Variants in KCNIP4 observed in about 807,000 individuals in gnomAD.
KCNIP4 encodes Kv channel-interacting protein 4.
A neutral mutation model predicts 34.0 loss-of-function variants in KCNIP4; 12 were observed. The observed-to-expected ratio is 0.35, with a 90% confidence interval of 0.23 to 0.57. KCNIP4 has a LOEUF of 0.57. Ranked by LOEUF, KCNIP4 falls within the 20% of genes least tolerant of loss-of-function variation. The pLI, the probability that KCNIP4 is intolerant of heterozygous loss-of-function variation, is 0.83. For synonymous variants in KCNIP4, 124 were observed against 102.2 expected (o/e 1.21, Z -1.29); for missense variants, 238 against 311.7 (o/e 0.76, Z 1.78).
chr4:21,581,006 T>A (rs1339892000), intron 1 of KCNIP4, among the ~76,000 whole-genome samples: 1 of 152,106 alleles, frequency 6.6e-6, no homozygotes, highest in South Asian at 2.1e-4. Flanking sequence ...ACTTATAAAC[T>A]GTAGTGCATG....
chr4:21,685,367 A>G (rs368050384), intron 1 of KCNIP4, among the ~76,000 whole-genome samples: 10 of 152,136 alleles, frequency 6.6e-5, no homozygotes, highest in African/African-American at 1.9e-4. Context: ...TATTTTTCCA[A>G]TGAGGAAACT....
intron 1 of KCNIP4, among the ~76,000 whole-genome samples, chr4:21,165,984 C>T (rs1240944997): frequency 6.6e-6 from 1 of 152,150 alleles, no homozygotes; most frequent in Non-Finnish European, 1.5e-5. Context: ...TCCTCTGGAG[C>T]ATGCAGGAAC....
At chr4:20,895,947 G>A (rs151192578) in intron 1 of KCNIP4, among the ~76,000 whole-genome samples, 106 of 152,314 alleles carry the variant, frequency 7.0e-4, no homozygotes, top group African/African-American at 2.4e-3. Context: ...GATATTGCAA[G>A]CTGATTCCTG....
At chr4:21,870,585 T>C (rs1271211459) in intron 1 of KCNIP4, among the ~76,000 whole-genome samples, 1 of 152,206 alleles carries the variant, frequency 6.6e-6, no homozygotes, top group African/African-American at 2.4e-5. Context: ...TATGAACAGC[T>C]CCCATAAAAA....
intron 4 of KCNIP4, among the ~76,000 whole-genome samples, chr4:20,757,533 A>G (rs1055789268): frequency 1.3e-5 from 2 of 151,794 alleles, no homozygotes; most frequent in African/African-American, 4.8e-5. Context: ...TACACTCTCT[A>G]CCCTAGCCAC....
intron 1 of KCNIP4, among the ~76,000 whole-genome samples, chr4:21,836,255 C>T (rs929838137): frequency 2.6e-5 from 4 of 152,120 alleles, no homozygotes; most frequent in African/African-American, 9.7e-5. Context: ...ACAAGAAGGA[C>T]TCAGCTGCAC....
chr4:21,483,022 G>T (rs1403508957), intron 1 of KCNIP4, among the ~76,000 whole-genome samples: 1 of 139,132 alleles, frequency 7.2e-6, no homozygotes, highest in Non-Finnish European at 1.5e-5. Context: ...GGTGGGAATT[G>T]AACAATGAGA....
intron 1 of KCNIP4, among the ~76,000 whole-genome samples, chr4:20,963,250 C>A (rs1003136025): frequency 2.0e-5 from 3 of 151,894 alleles, no homozygotes; most frequent in Non-Finnish European, 2.9e-5. Flanking sequence ...TTCCTTGAAC[C>A]CGGGAATCAG....
chr4:21,274,412 G>T (rs1376207951), intron 1 of KCNIP4, among the ~76,000 whole-genome samples: 3 of 152,130 alleles, frequency 2.0e-5, no homozygotes, highest in Non-Finnish European at 4.4e-5. Context: ...TTCTCCCTTT[G>T]GGATATGACA....
At chr4:21,938,674 G>A (rs1730026159) in intron 1 of KCNIP4, among the ~76,000 whole-genome samples, 1 of 152,108 alleles carries the variant, frequency 6.6e-6, no homozygotes. Flanking sequence ...CAGAAGACAA[G>A]GACTGCACCT....
chr4:21,152,471 A>G (rs918029899), intron 1 of KCNIP4, among the ~76,000 whole-genome samples: 1 of 152,066 alleles, frequency 6.6e-6, no homozygotes, highest in Non-Finnish European at 1.5e-5. Flanking sequence ...TCTTGCTTCT[A>G]TCACTGCCCC....
chr4:21,668,631 C>T (rs989891187), intron 1 of KCNIP4, among the ~76,000 whole-genome samples: 3 of 151,992 alleles, frequency 2.0e-5, no homozygotes, highest in Admixed American at 2.0e-4. Context: ...TAACAATATG[C>T]AATATATACA....
intron 1 of KCNIP4, among the ~76,000 whole-genome samples, chr4:20,933,142 G>T (rs1396400477): frequency 6.6e-6 from 1 of 152,028 alleles, no homozygotes; most frequent in Non-Finnish European, 1.5e-5. Flanking sequence ...CTACTTCGAG[G>T]CTGAGACAGG....
intron 1 of KCNIP4, among the ~76,000 whole-genome samples, chr4:21,879,810 T>C (rs1307041272): frequency 1.3e-5 from 2 of 152,162 alleles, no homozygotes; most frequent in Non-Finnish European, 2.9e-5. Flanking sequence ...CCACATGTCA[T>C]GGAAGGGACC....
chr4:21,146,226 G>A (rs13118389), intron 1 of KCNIP4, among the ~76,000 whole-genome samples: 53,034 of 151,518 alleles, frequency 0.35, 9,419 homozygotes, highest in African/African-American at 0.39. Flanking sequence ...GTGAAACCCC[G>A]TCTCTACTAA....
At chr4:21,144,562 A>G (rs1232242139) in intron 1 of KCNIP4, among the ~76,000 whole-genome samples, 1 of 152,204 alleles carries the variant, frequency 6.6e-6, no homozygotes, top group East Asian at 1.9e-4. Context: ...ACTGTAGAGC[A>G]CACAGTGCTG....
At chr4:21,728,142 C>T (rs1485196866) in intron 1 of KCNIP4, among the ~76,000 whole-genome samples, 1 of 152,118 alleles carries the variant, frequency 6.6e-6, no homozygotes, top group African/African-American at 2.4e-5. Flanking sequence ...AAATTTAAAT[C>T]TCCAGCCTGA....
chr4:21,516,328 G>A (rs1167237945), intron 1 of KCNIP4, among the ~76,000 whole-genome samples: 1 of 152,112 alleles, frequency 6.6e-6, no homozygotes, highest in Non-Finnish European at 1.5e-5. Flanking sequence ...CAGCTCTATT[G>A]AGTCATCTAA....
At chr4:21,663,011 A>T (rs1748563420) in intron 1 of KCNIP4, among the ~76,000 whole-genome samples, 1 of 152,206 alleles carries the variant, frequency 6.6e-6, no homozygotes, top group Non-Finnish European at 1.5e-5. Context: ...ATTTCCCTAG[A>T]AGAGGTTTCA....
Sources: gnomAD v4.1 joint callset for allele counts (sites outside exome capture counted in the v4.1 genomes callset) on GRCh38, gnomAD v4.1.1 for gene constraint, MANE v1.5 for transcripts, NCBI Gene and HGNC (gene_info 2026-07-23, HGNC 2026-07-21) for gene names.